The following TTC23L variants were observed in gnomAD, a reference collection of about 807,000 sequenced individuals.
The protein encoded by TTC23L is tetratricopeptide repeat protein 23-like.
A neutral mutation model predicts 48.1 loss-of-function variants in TTC23L; 42 were observed. That is an observed-to-expected ratio of 0.87 (90% CI 0.68 to 1.13). The LOEUF is 1.13. TTC23L is among the 50% of genes most tolerant of loss of function. The pLI, the probability that TTC23L is intolerant of heterozygous loss-of-function variation, is 0.00. For missense variants in TTC23L, 391 were observed against 421.0 expected, an observed-to-expected ratio of 0.93 and a Z score of 0.62; for synonymous variants, 159 against 157.2, an observed-to-expected ratio of 1.01 and a Z score of -0.09.
intron 2 of TTC23L, among the ~76,000 whole-genome samples, chr5:34,845,260 G>A (rs1759010862): frequency 6.6e-6 from 1 of 152,214 alleles, no homozygotes; most frequent in African/African-American, 2.4e-5. Flanking sequence ...TGATTAGTAA[G>A]CAGCAGAGCT....
rs776878152 is a variant in TTC23L at position 34,863,031 on chromosome 5, C to T, written c.513C>T (p.Gly171=). ...TGGTCAAGCTGTACTACACTCTGGG[C>T]GTGGCCTGGCTCCTGCAGAACCGAT... Residue 171 remains glycine (G), a synonymous_variant, in exon 5 of 11, where the codon GGC becomes GGT. Coordinates refer to ENST00000505624, the Ensembl canonical transcript of TTC23L. The surrounding 1 kb of genome is among the most constrained non-coding windows in gnomAD (Gnocchi z 4.1). 8.1e-6 allele frequency: 13 copies of T among 1,613,950 alleles called. No homozygotes were observed. Among genetic ancestry groups the T allele is most frequent in the Middle Eastern group, 1.6e-4 (1 of 6,062 alleles).
exon 5 of TTC23L, chr5:34,862,947 G>T (rs1760789506): frequency 6.2e-7 from 1 of 1,613,870 alleles, no homozygotes. Context: ...AGAATACACT[G>T]TTGACCTGGA....
At chr5:34,903,910 AT>A (rs1039371195), downstream of TTC23L, among the ~76,000 whole-genome samples, 9 of 152,286 alleles carry the variant, frequency 5.9e-5, 1 homozygote, top group African/African-American at 2.2e-4. Flanking sequence ...AGAAAAAAAA[AT>A]AATTCAAGCC....
rs372494610 is a variant in TTC23L, at chr5:34,886,756, A to G, written c.1077+6448A>G. On this transcript the variant is annotated intron_variant, in intron 9 of 10. Transcript: ENST00000505624. The stretch of plus-strand genomic sequence containing the variant: ...ATGCTGAGGGAGAATATGATACAAA[A>G]ACTTTAGTTGAGTCCCTATCTGGAC... 3.6e-4 allele frequency among the ~76,000 whole-genome samples: 55 copies of G among 152,306 alleles called. 1 individual carries two copies. In the South Asian group the frequency reaches 0.011, roughly 31 times the overall value.
At chr5:34,859,639 A>G (rs1760416620) in intron 4 of TTC23L, among the ~76,000 whole-genome samples, 1 of 152,048 alleles carries the variant, frequency 6.6e-6, no homozygotes, top group African/African-American at 2.4e-5. Flanking sequence ...ATGCAGCAAG[A>G]GGTCCCTCAC....
At chr5:34,890,689 G>A (rs1762817235) in intron 9 of TTC23L, among the ~76,000 whole-genome samples, 1 of 152,164 alleles carries the variant, frequency 6.6e-6, no homozygotes, top group African/African-American at 2.4e-5. Context: ...CCCAGGAAGA[G>A]ACAAAGGTAG....
chr5:34,885,441 G>A (rs544144143), intron 9 of TTC23L, among the ~76,000 whole-genome samples: 1 of 152,286 alleles, frequency 6.6e-6, no homozygotes, highest in Non-Finnish European at 1.5e-5. Flanking sequence ...GAAGACACAT[G>A]CTTAAGTATT....
chr5:34,909,897 G>A, the TTC23L span, among the ~76,000 whole-genome samples: 6 of 152,186 alleles, frequency 3.9e-5, no homozygotes, highest in Admixed American at 2.0e-4. Context: ...GGATTAGCAC[G>A]TTGCTAAGTA....
chr5:34,915,613 G>A, the TTC23L span: 1 of 1,220,218 alleles, frequency 8.2e-7, no homozygotes, highest in Admixed American at 3.3e-5. Flanking sequence ...AGACCGGAAG[G>A]AGGCGGCACA....
chr5:34,877,964 T>TC (rs1761975238), intron 8 of TTC23L, among the ~76,000 whole-genome samples: 1 of 152,218 alleles, frequency 6.6e-6, no homozygotes, highest in Admixed American at 6.5e-5. Flanking sequence ...CTGGAATTAA[T>TC]AAGTGATTAT....
chr5:34,841,671 C>G (rs756259651), intron 2 of TTC23L, among the ~76,000 whole-genome samples: 1 of 152,176 alleles, frequency 6.6e-6, no homozygotes, highest in Non-Finnish European at 1.5e-5. Flanking sequence ...GCACACACCA[C>G]CATACCTGCC....
downstream of TTC23L, chr5:34,902,456 T>C: frequency 3.0e-6 from 1 of 330,222 alleles, no homozygotes; most frequent in Non-Finnish European, 6.2e-6. Flanking sequence ...AGACCCTGTG[T>C]CTTTGGGGAT....
the TTC23L span, chr5:34,922,877 T>C: frequency 3.2e-6 from 4 of 1,252,624 alleles, no homozygotes; most frequent in Non-Finnish European, 4.6e-6. Flanking sequence ...CTTGGTTTTA[T>C]GGATTATCAA....
chr5:34,858,825 T>C (rs1057183572), intron 4 of TTC23L, among the ~76,000 whole-genome samples: 13 of 152,286 alleles, frequency 8.5e-5, no homozygotes, highest in African/African-American at 3.1e-4. Flanking sequence ...GGGCTTAAAA[T>C]ATAATAAATT....
At chr5:34,922,670 T>G in the TTC23L span, 1 of 1,606,356 alleles carries the variant, frequency 6.2e-7, no homozygotes, top group Non-Finnish European at 8.5e-7. Context: ...TACAACTATT[T>G]TTGTTTTTGT....
chr5:34,866,298 C>CT (rs1405196490), intron 6 of TTC23L, among the ~76,000 whole-genome samples: 1 of 152,204 alleles, frequency 6.6e-6, no homozygotes, highest in East Asian at 1.9e-4. Flanking sequence ...GGATCACAGT[C>CT]TAAGTGCAGC....
chr5:34,874,539 C>T (rs1269586671), intron 8 of TTC23L, among the ~76,000 whole-genome samples: 1 of 151,612 alleles, frequency 6.6e-6, no homozygotes, highest in Non-Finnish European at 1.5e-5. Context: ...AAAAGAGAAA[C>T]TGGAATATAT....
chr5:34,897,105 G>T (rs1372323841), intron 10 of TTC23L, among the ~76,000 whole-genome samples: 1 of 152,086 alleles, frequency 6.6e-6, no homozygotes, highest in Non-Finnish European at 1.5e-5. Flanking sequence ...AAAACCTTCG[G>T]CTGGGTGCTG....
chr5:34,872,140 A>C (rs180951790), intron 8 of TTC23L, among the ~76,000 whole-genome samples: 236 of 151,476 alleles, frequency 1.6e-3, no homozygotes, highest in African/African-American at 5.2e-3. Context: ...AAAGAAGAAG[A>C]AGCTGGGTGT....
Sources: allele counts gnomAD v4.1 joint callset (sites outside exome capture counted in the v4.1 genomes callset), GRCh38; gene constraint gnomAD v4.1.1; non-coding constraint Gnocchi (gnomAD v3.1); transcripts MANE v1.5; gene names NCBI Gene and HGNC (gene_info 2026-07-23, HGNC 2026-07-21).